The following PLXNA4 variants were observed in gnomAD, a reference collection of about 807,000 sequenced individuals.
PLXNA4 encodes plexin-A4.
A neutral mutation model predicts 191.8 loss-of-function variants in PLXNA4; 44 were observed. The observed-to-expected ratio is 0.23, with a 90% CI of 0.18 to 0.29. The LOEUF is 0.29. PLXNA4 is among the 10% of genes least tolerant of loss of function. The probability of loss-of-function intolerance (pLI) is 1.00; values close to 1 mark genes in which losing one functional copy is unlikely to be tolerated. For missense variants in PLXNA4, 1,800 were observed against 2,488.8 expected, an observed-to-expected ratio of 0.72 and a Z score of 5.89; for synonymous variants, 1,082 against 1,009.5, an observed-to-expected ratio of 1.07 and a Z score of -1.36.
Position 132,505,967 on chromosome 7 carries a change from G to A in PLXNA4, c.1188+1539C>T, listed in dbSNP as rs145506650. Among the ~76,000 whole-genome samples the A allele has an allele frequency of 1.4e-3, 215 of 152,180 alleles. 1 individual carries two copies. The highest frequency in any genetic ancestry group is 4.6e-3 in the African/African-American group (191 of 41,510). ...CTAGGAAGACTCAGTAGATAAAGTG[G>A]AGTCCCCTCCATTCTCCAGTCTGGC... On this transcript the variant is annotated intron_variant, in intron 2 of 31. Coordinates refer to ENST00000321063, the MANE Select transcript of PLXNA4 (RefSeq NM_020911.2).
chr7:132,362,532 G>A (rs987118642), intron 3 of PLXNA4, among the ~76,000 whole-genome samples: 17 of 152,228 alleles, frequency 1.1e-4, no homozygotes, highest in African/African-American at 3.6e-4. Flanking sequence ...AACTCTGACT[G>A]ACTGATAGTG....
chr7:132,411,527 G>A (rs1203559574), intron 3 of PLXNA4, among the ~76,000 whole-genome samples: 2 of 152,202 alleles, frequency 1.3e-5, no homozygotes, highest in Non-Finnish European at 2.9e-5. Context: ...TGTTACGATT[G>A]TGGCTGTTTT....
chr7:132,370,014 G>T (rs1418974540), intron 3 of PLXNA4, among the ~76,000 whole-genome samples: 2 of 150,626 alleles, frequency 1.3e-5, no homozygotes, highest in East Asian at 4.0e-4. Flanking sequence ...ATTGCAGTGA[G>T]CCAAGATCGC....
chr7:132,241,220 G>A, intron 4 of PLXNA4, 54 bp from the exon 5 acceptor site: 15 of 1,274,776 alleles, frequency 1.2e-5, no homozygotes, highest in Admixed American at 3.7e-5. Context: ...ACACCCAGCA[G>A]TGTACCAGAA....
At chr7:132,550,521 T>C (rs1800515020) in intron 1 of PLXNA4, among the ~76,000 whole-genome samples, 1 of 152,200 alleles carries the variant, frequency 6.6e-6, no homozygotes, top group Non-Finnish European at 1.5e-5. Context: ...CAGGAGGCAA[T>C]TAGTAGACAC....
chr7:132,362,527 T>C (rs1367773960), intron 3 of PLXNA4, among the ~76,000 whole-genome samples: 1 of 152,234 alleles, frequency 6.6e-6, no homozygotes, highest in Non-Finnish European at 1.5e-5. Flanking sequence ...ACGCTAACTC[T>C]GACTGACTGA....
chr7:132,569,908 T>C (rs1015955030), intron 1 of PLXNA4, among the ~76,000 whole-genome samples: 3 of 152,204 alleles, frequency 2.0e-5, no homozygotes, highest in Admixed American at 2.0e-4. Context: ...GTACTTGGTT[T>C]ACGTAATGCA....
intron 2 of PLXNA4, among the ~76,000 whole-genome samples, chr7:132,640,508 T>A (rs1031108076): frequency 1.3e-5 from 2 of 152,104 alleles, no homozygotes; most frequent in Non-Finnish European, 2.9e-5. Context: ...GCTTGCTATC[T>A]CTGCATGTAC....
At chr7:132,204,966 C>T (rs1335967706) in intron 10 of PLXNA4, among the ~76,000 whole-genome samples, 1 of 152,164 alleles carries the variant, frequency 6.6e-6, no homozygotes, top group Non-Finnish European at 1.5e-5. Context: ...CAACGCGTGC[C>T]AGGGCCAGAG....
intron 1 of PLXNA4, among the ~76,000 whole-genome samples, chr7:132,559,734 A>C (rs1326883014): frequency 6.6e-6 from 1 of 152,256 alleles, no homozygotes; most frequent in Admixed American, 6.5e-5. Flanking sequence ...CTCCTACAAC[A>C]AATGAAGACC....
intron 3 of PLXNA4, among the ~76,000 whole-genome samples, chr7:132,338,048 C>T (rs1802885566): frequency 6.6e-6 from 1 of 152,184 alleles, no homozygotes; most frequent in Non-Finnish European, 1.5e-5. Flanking sequence ...CTGTTATATA[C>T]TCACTCTCAA....
intron 9 of PLXNA4, among the ~76,000 whole-genome samples, chr7:132,214,452 G>A (rs73155287): frequency 0.034 from 5,122 of 152,144 alleles, 103 homozygotes; most frequent in Middle Eastern, 0.065. Context: ...CTCTAGTGGC[G>A]CTGCTGATTG....
intron 4 of PLXNA4, among the ~76,000 whole-genome samples, chr7:132,267,638 G>C (rs1485034296): frequency 6.6e-6 from 1 of 152,156 alleles, no homozygotes; most frequent in Non-Finnish European, 1.5e-5. Context: ...AAAACTTAGA[G>C]CTCTGCCATT....
At chr7:132,272,356 A>G (rs1292684295) in intron 4 of PLXNA4, among the ~76,000 whole-genome samples, 1 of 152,248 alleles carries the variant, frequency 6.6e-6, no homozygotes, top group African/African-American at 2.4e-5. Flanking sequence ...TCATCTGTAA[A>G]ATGGAAACAA....
chr7:132,473,368 C>T (rs1797002031), intron 3 of PLXNA4, among the ~76,000 whole-genome samples: 1 of 152,132 alleles, frequency 6.6e-6, no homozygotes, highest in Admixed American at 6.5e-5. Flanking sequence ...TCAGCGGCTC[C>T]CCCAGTGTTT....
intron 9 of PLXNA4, among the ~76,000 whole-genome samples, chr7:132,213,559 C>T (rs746532444): frequency 3.1e-4 from 47 of 152,110 alleles, no homozygotes; most frequent in Non-Finnish European, 5.1e-4. Flanking sequence ...CCATCCTGTG[C>T]CCCCCACCAC....
chr7:132,514,241 C>T (rs543124491), intron 1 of PLXNA4, among the ~76,000 whole-genome samples: 6 of 151,180 alleles, frequency 4.0e-5, no homozygotes, highest in African/African-American at 1.5e-4. Context: ...TTAGTAGAGA[C>T]GGGGTTTCAC....
At chr7:132,155,432 T>G (rs1476348455) in intron 25 of PLXNA4, among the ~76,000 whole-genome samples, 1 of 152,204 alleles carries the variant, frequency 6.6e-6, no homozygotes, top group East Asian at 1.9e-4. Flanking sequence ...CTGTCTCTGC[T>G]AGTCTGCTAA....
intron 4 of PLXNA4, among the ~76,000 whole-genome samples, chr7:132,283,544 A>G (rs931713810): frequency 6.6e-6 from 1 of 151,974 alleles, no homozygotes; most frequent in African/African-American, 2.4e-5. Context: ...TGAAGAGAAC[A>G]CTCCTTTCCC....
Sources: gnomAD v4.1 joint callset for allele counts (sites outside exome capture counted in the v4.1 genomes callset) on GRCh38, gnomAD v4.1.1 for gene constraint, MANE v1.5 for transcripts, NCBI Gene and HGNC (gene_info 2026-07-23, HGNC 2026-07-21) for gene names.